Variants in CADPS observed in about 807,000 individuals in gnomAD.
CADPS encodes the protein calcium-dependent secretion activator 1.
CADPS carries 57 observed loss-of-function variants against 167.3 expected under a neutral mutation model. That is an observed-to-expected ratio of 0.34 (90% CI 0.28 to 0.42). The LOEUF (loss-of-function observed/expected upper bound fraction) is 0.42. Ranked by LOEUF, CADPS falls within the 20% of genes least tolerant of loss-of-function variation. The probability of loss-of-function intolerance (pLI) is 1.00; values close to 1 mark genes in which losing one functional copy is unlikely to be tolerated. For missense variants in CADPS, 1,414 were observed against 1,738.1 expected (o/e 0.81, Z 3.32); for synonymous variants, 676 against 635.3 (o/e 1.06, Z -0.96).
At chr3:62,609,739 G>A (rs944572456) in intron 6 of CADPS, among the ~76,000 whole-genome samples, 1 of 152,146 alleles carries the variant, frequency 6.6e-6, no homozygotes, top group Non-Finnish European at 1.5e-5. Context: ...AATAAATGTA[G>A]CTACTTTTAT....
intron 1 of CADPS, among the ~76,000 whole-genome samples, chr3:62,787,226 C>T (rs949880755): frequency 1.2e-4 from 18 of 151,996 alleles, no homozygotes; most frequent in African/African-American, 3.9e-4. Context: ...GTCCAGGAGG[C>T]GGAGGTTGTA....
At chr3:62,408,656 T>C (rs112846115) in intron 28 of CADPS, among the ~76,000 whole-genome samples, 92 of 152,376 alleles carry the variant, frequency 6.0e-4, no homozygotes, top group African/African-American at 1.9e-3. Flanking sequence ...CACTCTCATT[T>C]ACATGAGTCT....
chr3:62,530,835 T>A (rs759649195), intron 13 of CADPS: 157 of 1,256,276 alleles, frequency 1.2e-4, no homozygotes, highest in Non-Finnish European at 1.6e-4. Flanking sequence ...GGTGGTCGCA[T>A]GAGGCATGCA....
chr3:62,764,414 T>C (rs1371035882), intron 2 of CADPS, among the ~76,000 whole-genome samples: 1 of 152,196 alleles, frequency 6.6e-6, no homozygotes, highest in Non-Finnish European at 1.5e-5. Context: ...TTTTAAAAGA[T>C]TTAAATTTGG....
intron 3 of CADPS, among the ~76,000 whole-genome samples, chr3:62,702,734 C>T (rs896174444): frequency 2.0e-5 from 3 of 152,118 alleles, no homozygotes; most frequent in African/African-American, 4.8e-5. Context: ...GACTATGGAA[C>T]AGTTGAAATG....
intron 3 of CADPS, among the ~76,000 whole-genome samples, chr3:62,688,592 C>A (rs2078523455): frequency 6.6e-6 from 1 of 152,098 alleles, no homozygotes; most frequent in African/African-American, 2.4e-5. Context: ...CAGTTGCCAA[C>A]TCTTCTAAGG....
At chr3:62,846,323 G>A (rs191037024) in intron 1 of CADPS, among the ~76,000 whole-genome samples, 12 of 152,294 alleles carry the variant, frequency 7.9e-5, no homozygotes, top group African/African-American at 2.2e-4. Context: ...CATAAGCAAC[G>A]TGTTGTGCTT....
At chr3:62,701,217 G>A (rs888460375) in intron 3 of CADPS, among the ~76,000 whole-genome samples, 22 of 152,058 alleles carry the variant, frequency 1.4e-4, no homozygotes, top group Middle Eastern at 3.2e-3. Flanking sequence ...AGAAACTGCC[G>A]TTACACCCAC....
At chr3:62,735,030 C>A (rs961850715) in intron 3 of CADPS, among the ~76,000 whole-genome samples, 7 of 152,132 alleles carry the variant, frequency 4.6e-5, no homozygotes, top group Admixed American at 1.3e-4. Context: ...AGTAATTATA[C>A]TTCTAGGTAT....
At chr3:62,481,393 T>C (rs1380736772) in intron 22 of CADPS, among the ~76,000 whole-genome samples, 1 of 152,108 alleles carries the variant, frequency 6.6e-6, no homozygotes, top group African/African-American at 2.4e-5. Context: ...ACCAAAGAGG[T>C]TTCCTCCACT....
intron 3 of CADPS, among the ~76,000 whole-genome samples, chr3:62,725,559 G>GTCACATTCCTACCCCGGTC (rs2076583078): frequency 1.3e-5 from 2 of 152,052 alleles, no homozygotes; most frequent in African/African-American, 4.8e-5. Context: ...AACCATTGAA[G>GTCACATTCCTACCCCGGTC]CAAGAATGAT....
chr3:62,828,546 G>A (rs962872347), intron 1 of CADPS, among the ~76,000 whole-genome samples: 1 of 152,024 alleles, frequency 6.6e-6, no homozygotes, highest in Non-Finnish European at 1.5e-5. Context: ...AAACACAGAA[G>A]AGCCTTGTAT....
intron 4 of CADPS, among the ~76,000 whole-genome samples, chr3:62,654,501 T>A (rs976730014): frequency 7.2e-5 from 11 of 152,184 alleles, no homozygotes; most frequent in Non-Finnish European, 1.3e-4. Flanking sequence ...TGGAAAATAC[T>A]GTAGGCAACC....
chr3:62,857,224 T>A (rs1203884969), intron 1 of CADPS, among the ~76,000 whole-genome samples: 1 of 151,840 alleles, frequency 6.6e-6, no homozygotes, highest in African/African-American at 2.4e-5. Context: ...GAAATGCAAA[T>A]ACAGAATTTT....
intron 6 of CADPS, among the ~76,000 whole-genome samples, chr3:62,592,972 G>A (rs1222998131): frequency 6.6e-6 from 1 of 152,216 alleles, no homozygotes; most frequent in African/African-American, 2.4e-5. Flanking sequence ...TCTTCACAGA[G>A]CACTATAAGG....
At position 62,874,500 on chromosome 3, in the gene CADPS, T is replaced by TCGCCAGCTGCGC. The variant is rs567147614; in HGVS notation, c.441+77_441+88dup. On this transcript the variant is annotated intron_variant, in intron 1 of 29. Transcript: ENST00000383710. The surrounding 1 kb of genome is among the most constrained non-coding windows in gnomAD (Gnocchi z 7.1). ...CGGTCTCCACCTCTCCTGCTCCTCC[T>TCGCCAGCTGCGC]CGCCAGCTGCGCCGCCAGCTCCCAT... 3.2e-5 allele frequency: 33 copies of TCGCCAGCTGCGC among 1,040,818 alleles called. 1 individual carries two copies. In the East Asian group the frequency reaches 4.3e-4, roughly 14 times the overall value. The allele number at this position is 1,040,818 out of a possible 1,614,324, so 64.5% of individuals were successfully genotyped here.
chr3:62,512,781 G>A lies in CADPS; in HGVS notation c.2582-13C>T. The A allele has an allele frequency of 6.2e-7, 1 of 1,603,804 alleles. No homozygotes were observed. Among genetic ancestry groups the A allele is most frequent in the East Asian group, 2.2e-5 (1 of 44,634 alleles). ...TCCTTTTGATTCTCTATTTGAAAGA[G>A]AGAGCACAACAAGGAGAGAAGAGAG... On this transcript the variant is annotated splice_polypyrimidine_tract_variant and intron_variant, in intron 16 of 29. Transcript: ENST00000383710.
rs1441490850 is a variant in CADPS at position 62,399,976 on chromosome 3, G to A, written c.3883-391C>T. Among the ~76,000 whole-genome samples, 1 of 152,198 alleles carries A rather than the reference G, an allele frequency of 6.6e-6. No homozygotes were observed. Among genetic ancestry groups the A allele is most frequent in the Non-Finnish European group, 1.5e-5 (1 of 68,036 alleles). On this transcript the variant is annotated intron_variant, in intron 29 of 29. Coordinates refer to ENST00000383710, the MANE Select transcript of CADPS (RefSeq NM_003716.4). This position sits in a 1 kb window ranked among gnomAD's most constrained non-coding sequence, Gnocchi z 5.6. ...ATAATATATAAATAATGGATTGAGT[G>A]ATTATGGTATTTTGTGATTTCTGTT...
chr3:62,621,626 G>T (rs2063179806), intron 6 of CADPS, among the ~76,000 whole-genome samples: 1 of 152,060 alleles, frequency 6.6e-6, no homozygotes, highest in African/African-American at 2.4e-5. Flanking sequence ...TATATGTTCA[G>T]GTTACTTACA....
Sources: allele counts gnomAD v4.1 joint callset (sites outside exome capture counted in the v4.1 genomes callset), GRCh38; gene constraint gnomAD v4.1.1; non-coding constraint Gnocchi (gnomAD v3.1); transcripts MANE v1.5; gene names NCBI Gene and HGNC (gene_info 2026-07-23, HGNC 2026-07-21).